The following GPC3 variants were observed in gnomAD, a reference collection of about 807,000 sequenced individuals.
The protein encoded by GPC3 is glypican 3.
Under a neutral mutation model 34.4 loss-of-function variants are expected in GPC3, and 3 were observed. The ratio of observed to expected loss-of-function variants is 0.09; its 90% CI spans 0.04 to 0.23. The LOEUF is 0.23. Ranked by LOEUF, GPC3 falls within the 10% of genes least tolerant of loss-of-function variation. The pLI, the probability that GPC3 is intolerant of heterozygous loss-of-function variation, is 1.00. For missense variants in GPC3, 351 were observed against 445.6 expected (o/e 0.79, Z 1.91); for synonymous variants, 177 against 174.0 (o/e 1.02, Z -0.13).
intron 7 of GPC3, among the ~76,000 whole-genome samples, chrX:133,585,383 T>C (rs2069778651): frequency 9.0e-6 from 1 of 111,020 alleles, no homozygotes; most frequent in South Asian, 3.9e-4. Context: ...TCCCGATCTC[T>C]ACCTGCAGCC....
chrX:133,826,970 G>A, intron 2 of GPC3, among the ~76,000 whole-genome samples: 1 of 112,252 alleles, frequency 8.9e-6, no homozygotes, highest in Non-Finnish European at 1.9e-5. Context: ...GAAATGTAGA[G>A]TAACTGCTTT....
chrX:133,562,565 A>T (rs2069547365), intron 7 of GPC3, among the ~76,000 whole-genome samples: 1 of 111,130 alleles, frequency 9.0e-6, no homozygotes, highest in Admixed American at 9.6e-5. Flanking sequence ...CAGGAGATGG[A>T]GGTTGCAGTG....
chrX:133,623,955 C>CT (rs2070265207), intron 6 of GPC3, among the ~76,000 whole-genome samples: 1 of 112,057 alleles, frequency 8.9e-6, no homozygotes, highest in African/African-American at 3.2e-5. Context: ...TTTTAACAAA[C>CT]TGTCTCTCAG....
chrX:133,865,920 T>C (rs1312363044), intron 2 of GPC3, among the ~76,000 whole-genome samples: 2 of 112,348 alleles, frequency 1.8e-5, no homozygotes, highest in African/African-American at 3.2e-5. Flanking sequence ...AGTAGCTCTT[T>C]AAAGTAACTA....
chrX:133,830,698 A>C (rs2075771263), intron 2 of GPC3, among the ~76,000 whole-genome samples: 3 of 108,104 alleles, frequency 2.8e-5, no homozygotes, highest in South Asian at 8.0e-4. Context: ...AAAAAAAAAA[A>C]AAAAAAAACA....
chrX:133,939,907 A>G (rs187061151), intron 2 of GPC3, among the ~76,000 whole-genome samples: 1 of 111,525 alleles, frequency 9.0e-6, no homozygotes, highest in East Asian at 2.8e-4. Flanking sequence ...GGATTTTGTA[A>G]ATACCAGACA....
intron 6 of GPC3, among the ~76,000 whole-genome samples, chrX:133,642,667 G>A (rs1295875292): frequency 9.2e-6 from 1 of 108,374 alleles, no homozygotes; most frequent in Non-Finnish European, 1.9e-5. Context: ...AGCTACTCGG[G>A]AGGCTGAGGC....
intron 1 of GPC3, among the ~76,000 whole-genome samples, chrX:133,957,104 T>C (rs2076419975): frequency 9.0e-6 from 1 of 111,691 alleles, no homozygotes; most frequent in Admixed American, 9.5e-5. Context: ...GAAAGGTATA[T>C]ATGATATCCA....
chrX:133,970,719 TG>T (rs1195287806), intron 1 of GPC3, among the ~76,000 whole-genome samples: 3 of 54,104 alleles, frequency 5.5e-5, no homozygotes, highest in African/African-American at 2.2e-4. Context: ...AAAAATGAGC[TG>T]GGGGGTGGGG....
intron 6 of GPC3, among the ~76,000 whole-genome samples, chrX:133,647,717 C>A (rs1404853429): frequency 1.8e-5 from 2 of 111,834 alleles, no homozygotes; most frequent in Non-Finnish European, 3.8e-5. Context: ...TCTAAGCACC[C>A]ACAGTGGCAG....
At chrX:133,966,589 G>C (rs1261856091) in intron 1 of GPC3, among the ~76,000 whole-genome samples, 1 of 112,242 alleles carries the variant, frequency 8.9e-6, no homozygotes, top group Non-Finnish European at 1.9e-5. Flanking sequence ...CCCTATGATA[G>C]GAACCTGTGG....
chrX:133,776,281 C>T (rs2071978726), intron 2 of GPC3, among the ~76,000 whole-genome samples: 1 of 111,298 alleles, frequency 9.0e-6, no homozygotes, highest in Non-Finnish European at 1.9e-5. Context: ...AAATGACTGG[C>T]GCCCCCTCCT....
intron 3 of GPC3, among the ~76,000 whole-genome samples, chrX:133,700,743 G>C (rs1279132855): frequency 9.0e-6 from 1 of 110,748 alleles, no homozygotes; most frequent in African/African-American, 3.3e-5. Context: ...AGGCATGGTG[G>C]CGTACACCTG....
chrX:133,841,475 C>T (rs889010443), intron 2 of GPC3, among the ~76,000 whole-genome samples: 6 of 109,494 alleles, frequency 5.5e-5, no homozygotes, highest in Admixed American at 2.0e-4. Flanking sequence ...TCAGTAAACA[C>T]TCCAATGTCA....
chrX:133,556,846 C>T (rs1218171653), intron 7 of GPC3, among the ~76,000 whole-genome samples: 2 of 105,712 alleles, frequency 1.9e-5, no homozygotes, highest in African/African-American at 3.5e-5. Flanking sequence ...GGGTGCAGCA[C>T]ACCAACATGG....
chrX:133,915,169 T>TTTTA (rs752886175), intron 2 of GPC3, among the ~76,000 whole-genome samples: 3 of 108,566 alleles, frequency 2.8e-5, no homozygotes, highest in Admixed American at 1.0e-4. Flanking sequence ...ATAATTGTCT[T>TTTTA]TTTATTTATT....
chrX:133,891,970 C>T (rs2076090057), intron 2 of GPC3, among the ~76,000 whole-genome samples: 1 of 110,709 alleles, frequency 9.0e-6, no homozygotes, highest in African/African-American at 3.3e-5. Context: ...GATTCTTCAT[C>T]TGGAAAATGG....
chrX:133,636,998 C>G (rs1261599053), intron 6 of GPC3, among the ~76,000 whole-genome samples: 1 of 111,971 alleles, frequency 8.9e-6, no homozygotes, highest in Non-Finnish European at 1.9e-5. Context: ...TTCCCACCAC[C>G]CCTGCCCAAC....
intron 2 of GPC3, among the ~76,000 whole-genome samples, chrX:133,907,117 T>G (rs1753964608): frequency 9.1e-6 from 1 of 110,055 alleles, no homozygotes; most frequent in African/African-American, 3.3e-5. Flanking sequence ...AAAAAAAAAG[T>G]TGTAGTCTTT....
Sources: gnomAD v4.1 joint callset for allele counts (sites outside exome capture counted in the v4.1 genomes callset) on GRCh38, gnomAD v4.1.1 for gene constraint, MANE v1.5 for transcripts, NCBI Gene and HGNC (gene_info 2026-07-23, HGNC 2026-07-21) for gene names.